CNRIP1: variants seen among roughly 807,000 people sequenced by gnomAD.
The protein encoded by CNRIP1 is cannabinoid receptor interacting protein 1.
A neutral mutation model predicts 15.2 loss-of-function variants in CNRIP1; 10 were observed. The ratio of observed to expected loss-of-function variants is 0.66; its 90% confidence interval spans 0.41 to 1.12. The LOEUF (loss-of-function observed/expected upper bound fraction) is 1.12, where lower values mean the gene tolerates loss of function less well. Ranked by LOEUF, CNRIP1 falls within the 50% of genes most tolerant of loss-of-function variation. The pLI is 0.00. For synonymous variants in CNRIP1, 91 were observed against 83.2 expected (o/e 1.09, Z -0.51); for missense variants, 211 against 214.7 (o/e 0.98, Z 0.11).
chr2:68,291,439 C>T (rs1205538411), downstream of CNRIP1, among the ~76,000 whole-genome samples: 1 of 152,168 alleles, frequency 6.6e-6, no homozygotes, highest in East Asian at 1.9e-4. Flanking sequence ...GTGAGCAGGA[C>T]TCCCACGCTC....
chr2:68,309,989 A>G (rs1396811091), intron 2 of CNRIP1, among the ~76,000 whole-genome samples: 1 of 152,176 alleles, frequency 6.6e-6, no homozygotes, highest in Non-Finnish European at 1.5e-5. Flanking sequence ...GCATGCATGT[A>G]TTTTGAGTAC....
chr2:68,319,496 G>C lies in CNRIP1; in HGVS notation c.-96C>G. The C allele has an allele frequency of 7.7e-7, 1 of 1,298,458 alleles. No homozygotes were observed. The highest frequency in any genetic ancestry group is 1.0e-6 in the Non-Finnish European group (1 of 981,198). The allele number at this position is 1,298,458 out of a possible 1,614,324, so 80.4% of individuals were successfully genotyped here. On this transcript the variant is annotated 5_prime_UTR_variant, in exon 1 of 3. Transcript: ENST00000263655. Reference sequence around the variant, plus strand: ...AGCGCGAGGGGCGGAGAGGAAGCGCGGGGAGGGTGAGGGAGGTGGTGGAGC... The same window carrying C: ...AGCGCGAGGGGCGGAGAGGAAGCGCCGGGAGGGTGAGGGAGGTGGTGGAGC...
At chr2:68,292,846 C>A (rs1671211665), downstream of CNRIP1, among the ~76,000 whole-genome samples, 1 of 152,194 alleles carries the variant, frequency 6.6e-6, no homozygotes, top group African/African-American at 2.4e-5. Flanking sequence ...TTGGCTGGAG[C>A]AATCCTGCTA....
chr2:68,305,446 T>C (rs1423961444), intron 2 of CNRIP1, among the ~76,000 whole-genome samples: 1 of 151,720 alleles, frequency 6.6e-6, no homozygotes, highest in Non-Finnish European at 1.5e-5. Context: ...TCAGATTTCG[T>C]CAAGGGAAAT....
At chr2:68,310,226 G>A (rs760518671) in intron 2 of CNRIP1, among the ~76,000 whole-genome samples, 5 of 152,230 alleles carry the variant, frequency 3.3e-5, no homozygotes, top group Non-Finnish European at 5.9e-5. Flanking sequence ...TACTCTGGCG[G>A]CTGAGGCAGG....
At chr2:68,303,083 G>T (rs570778202) in intron 2 of CNRIP1, among the ~76,000 whole-genome samples, 7 of 144,876 alleles carry the variant, frequency 4.8e-5, no homozygotes, top group African/African-American at 1.7e-4. Context: ...TCCTGACTTC[G>T]TGATCCACCC....
intron 2 of CNRIP1, among the ~76,000 whole-genome samples, chr2:68,308,901 C>G (rs954069447): frequency 2.0e-5 from 3 of 151,634 alleles, no homozygotes; most frequent in African/African-American, 7.3e-5. Flanking sequence ...TCAGGTGGAT[C>G]CAGAATTCAG....
chr2:68,290,024 CTTT>C (rs35429690), downstream of CNRIP1, among the ~76,000 whole-genome samples: 1 of 89,650 alleles, frequency 1.1e-5, no homozygotes. Flanking sequence ...AGAATCTGAA[CTTT>C]TTTTTTTTTT....
intron 2 of CNRIP1, among the ~76,000 whole-genome samples, chr2:68,311,449 G>A (rs545158968): frequency 5.3e-5 from 8 of 152,156 alleles, no homozygotes; most frequent in East Asian, 1.9e-4. Flanking sequence ...ACTAATCAGA[G>A]GGTATAAAAA....
intron 1 of CNRIP1, among the ~76,000 whole-genome samples, 168 bp downstream of exon 1, chr2:68,319,054 G>A (rs1672386783): frequency 6.6e-6 from 1 of 152,282 alleles, no homozygotes; most frequent in Non-Finnish European, 1.5e-5. Flanking sequence ...CCAAAGGGAA[G>A]GAAGGGGACG....
Position 68,293,416 on chromosome 2 carries a change from G to A in CNRIP1, c.*446C>T. 1 of 986,602 alleles carries A rather than the reference G, an allele frequency of 1.0e-6. No homozygotes were observed. The highest frequency in any genetic ancestry group is 1.2e-6 in the Non-Finnish European group (1 of 830,658). The allele number at this position is 986,602 out of a possible 1,614,324, so 61.1% of individuals were successfully genotyped here. ...CTTTGAAAGCTGGCAAACACTGCAA[G>A]TTACATGTTACCATATTACACATGG... is the stretch of plus-strand genomic sequence containing the variant. On this transcript the variant is annotated 3_prime_UTR_variant, in exon 3 of 3. Coordinates refer to ENST00000263655, the MANE Select transcript of CNRIP1 (RefSeq NM_015463.3).
intron 2 of CNRIP1, among the ~76,000 whole-genome samples, chr2:68,306,872 A>G (rs1034648219): frequency 5.3e-5 from 8 of 152,206 alleles, no homozygotes; most frequent in African/African-American, 1.9e-4. Context: ...GTCATTTACA[A>G]TCACACCAAA....
intron 2 of CNRIP1, among the ~76,000 whole-genome samples, chr2:68,302,845 C>CTTTTTTT (rs1214086385): frequency 1.6e-5 from 2 of 126,270 alleles, no homozygotes; most frequent in Admixed American, 8.0e-5. Context: ...ATTTGAAAAA[C>CTTTTTTT]TTTTTTTTTT....
intron 2 of CNRIP1, among the ~76,000 whole-genome samples, chr2:68,301,719 G>A (rs1449560694): frequency 6.6e-6 from 1 of 151,776 alleles, no homozygotes; most frequent in Non-Finnish European, 1.5e-5. Flanking sequence ...GTGAAACCCC[G>A]TCTCTACTAA....
chr2:68,291,308 G>A (rs1671162950), downstream of CNRIP1, among the ~76,000 whole-genome samples: 1 of 151,338 alleles, frequency 6.6e-6, no homozygotes, highest in Non-Finnish European at 1.5e-5. Flanking sequence ...TTTTTTTAAA[G>A]GAGTATAAAA....
At chr2:68,303,381 T>C (rs1313249791) in intron 2 of CNRIP1, among the ~76,000 whole-genome samples, 1 of 152,152 alleles carries the variant, frequency 6.6e-6, no homozygotes, top group Non-Finnish European at 1.5e-5. Context: ...ATGAGACTGT[T>C]TCCTCTCTTC....
At chr2:68,308,229 AAAAAC>A (rs1473232603) in intron 2 of CNRIP1, among the ~76,000 whole-genome samples, 3 of 151,924 alleles carry the variant, frequency 2.0e-5, no homozygotes, top group African/African-American at 7.3e-5. Context: ...ACAAAACAAA[AAAAAC>A]CCCCGATGTC....
intron 2 of CNRIP1, among the ~76,000 whole-genome samples, chr2:68,315,000 A>G (rs1044375880): frequency 6.6e-6 from 1 of 152,106 alleles, no homozygotes; most frequent in Non-Finnish European, 1.5e-5. Flanking sequence ...AAGACTTTCT[A>G]AGCTGGATCT....
rs192387218 is a variant in CNRIP1 at position 68,305,147 on chromosome 2, G to A, written c.331-11121C>T. 7.8e-3 allele frequency among the ~76,000 whole-genome samples: 1,182 copies of A among 151,764 alleles called. 16 individuals carry two copies. The highest frequency in any genetic ancestry group is 0.028 in the African/African-American group (1,138 of 41,380). Reference sequence around the variant, plus strand: ...CAATCCCAGCTACTTGGGAGGCTGAGGCAGGAGAATTGCTTGAACCCGGGA... The same window carrying A: ...CAATCCCAGCTACTTGGGAGGCTGAAGCAGGAGAATTGCTTGAACCCGGGA... On this transcript the variant is annotated intron_variant, in intron 2 of 2. Transcript: ENST00000263655.
Sources: gnomAD v4.1 joint callset for allele counts (sites outside exome capture counted in the v4.1 genomes callset) on GRCh38, gnomAD v4.1.1 for gene constraint, MANE v1.5 for transcripts, NCBI Gene and HGNC (gene_info 2026-07-23, HGNC 2026-07-21) for gene names.